The following XPR1 variants were observed in gnomAD, a reference collection of about 807,000 sequenced individuals.
XPR1 encodes the protein xenotropic and polytropic retrovirus receptor 1.
XPR1 carries 28 observed loss-of-function variants against 87.5 expected under a neutral mutation model. The observed-to-expected ratio is 0.32, with a 90% CI of 0.24 to 0.44. The LOEUF (loss-of-function observed/expected upper bound fraction) is 0.44. XPR1 is among the 20% of genes least tolerant of loss of function. XPR1 has a pLI of 1.00. For missense variants in XPR1, 559 were observed against 862.3 expected (o/e 0.65, Z 4.41); for synonymous variants, 300 against 306.1 (o/e 0.98, Z 0.21).
intron 2 of XPR1, among the ~76,000 whole-genome samples, chr1:180,749,914 G>A (rs1488833994): frequency 6.6e-6 from 1 of 152,024 alleles, no homozygotes; most frequent in Admixed American, 6.6e-5. Flanking sequence ...TAGTTAAAAG[G>A]GCAAATGAAG....
intron 1 of XPR1, among the ~76,000 whole-genome samples, chr1:180,674,937 T>G (rs1486490544): frequency 1.3e-5 from 2 of 152,230 alleles, no homozygotes; most frequent in Non-Finnish European, 2.9e-5. Context: ...AACACCATTT[T>G]TTTTCCTGTC....
chr1:180,695,894 G>T (rs1428092136), intron 2 of XPR1, among the ~76,000 whole-genome samples: 1 of 151,812 alleles, frequency 6.6e-6, no homozygotes, highest in African/African-American at 2.4e-5. Context: ...TTTTTGCTTG[G>T]GATTGCTTTG....
chr1:180,831,620 C>G (rs2102162274), intron 9 of XPR1, among the ~76,000 whole-genome samples: 2 of 141,986 alleles, frequency 1.4e-5, no homozygotes, highest in East Asian at 4.8e-4. Flanking sequence ...TTGCTAAACT[C>G]CCACTTATGA....
At chr1:180,853,233 T>G (rs1651924477) in intron 11 of XPR1, among the ~76,000 whole-genome samples, 1 of 152,226 alleles carries the variant, frequency 6.6e-6, no homozygotes, top group East Asian at 1.9e-4. Flanking sequence ...TGCGCCTGGC[T>G]TCTTTTCATT....
At chr1:180,696,165 G>GGTGTGTGTGTGT (rs59249501) in intron 2 of XPR1, among the ~76,000 whole-genome samples, 7 of 102,976 alleles carry the variant, frequency 6.8e-5, no homozygotes, top group African/African-American at 1.8e-4. Flanking sequence ...TTTATTCCTG[G>GGTGTGTGTGTGT]GTGTGTGTGT....
At chr1:180,693,738 C>G (rs917544130) in intron 2 of XPR1, among the ~76,000 whole-genome samples, 1 of 152,102 alleles carries the variant, frequency 6.6e-6, no homozygotes, top group Non-Finnish European at 1.5e-5. Flanking sequence ...TTTACCTTGT[C>G]CTTTGTCTGT....
At chr1:180,748,947 C>G (rs1647399424) in intron 2 of XPR1, among the ~76,000 whole-genome samples, 1 of 152,146 alleles carries the variant, frequency 6.6e-6, no homozygotes, top group Admixed American at 6.5e-5. Context: ...GCCTATAATC[C>G]CAGCACTTTG....
intron 2 of XPR1, among the ~76,000 whole-genome samples, chr1:180,718,621 A>C (rs1187368804): frequency 6.6e-6 from 1 of 151,804 alleles, no homozygotes; most frequent in African/African-American, 2.4e-5. Context: ...GACAGACTGC[A>C]TGCACCCTAA....
Position 180,757,597 on chromosome 1 carries a change from A to G in XPR1, c.122-30156A>G, listed in dbSNP as rs377111572. Among the ~76,000 whole-genome samples, 44 of 151,608 alleles carry G rather than the reference A, an allele frequency of 2.9e-4. No individual in the cohort carries two copies. In the East Asian group the frequency reaches 4.5e-3, roughly 15 times the overall value. On this transcript the variant is annotated intron_variant, in intron 2 of 14. Transcript: ENST00000367590. ...AATCATGGTTCACTGCATCACTACA[A>G]CCTCAAACTCCTGGGCTCAAGAGAG...
chr1:180,691,266 A>AAGG (rs2101957383), intron 2 of XPR1, among the ~76,000 whole-genome samples: 1 of 152,228 alleles, frequency 6.6e-6, no homozygotes, highest in East Asian at 1.9e-4. Context: ...CCTCCTTTCA[A>AAGG]AGATACATGA....
intron 12 of XPR1, among the ~76,000 whole-genome samples, chr1:180,873,304 T>G (rs1652563988): frequency 6.6e-6 from 1 of 152,202 alleles, no homozygotes; most frequent in Non-Finnish European, 1.5e-5. Context: ...ACCACGGTTG[T>G]GAAATCCAAG....
intron 2 of XPR1, among the ~76,000 whole-genome samples, chr1:180,740,220 G>A (rs1316806253): frequency 6.6e-6 from 1 of 152,132 alleles, no homozygotes; most frequent in Non-Finnish European, 1.5e-5. Context: ...GAATAGGTGT[G>A]AAGAGTAGCC....
At chr1:180,745,450 A>T (rs1170482602) in intron 2 of XPR1, among the ~76,000 whole-genome samples, 1 of 152,174 alleles carries the variant, frequency 6.6e-6, no homozygotes, top group African/African-American at 2.4e-5. Context: ...TCTGGGGAGT[A>T]CTACTTCGCT....
chr1:180,845,744 A>G (rs1224176020), intron 11 of XPR1, among the ~76,000 whole-genome samples: 5 of 73,888 alleles, frequency 6.8e-5, no homozygotes, highest in African/African-American at 2.8e-4. Flanking sequence ...GCTAGTCTCA[A>G]ACTCAGTCTT....
chr1:180,761,865 C>G (rs1571810732), intron 2 of XPR1, among the ~76,000 whole-genome samples: 2 of 152,184 alleles, frequency 1.3e-5, no homozygotes, highest in South Asian at 4.1e-4. Flanking sequence ...AGACTTGGAA[C>G]CAACCCAAAT....
At chr1:180,840,969 C>T (rs1406330019) in intron 11 of XPR1, among the ~76,000 whole-genome samples, 2 of 152,030 alleles carry the variant, frequency 1.3e-5, no homozygotes, top group African/African-American at 4.8e-5. Flanking sequence ...CAACAAAGCA[C>T]AACACAATTC....
intron 11 of XPR1, among the ~76,000 whole-genome samples, chr1:180,859,829 T>C (rs1279879889): frequency 6.6e-6 from 1 of 152,124 alleles, no homozygotes; most frequent in Non-Finnish European, 1.5e-5. Context: ...AAGATACTTT[T>C]AAATGGTTTT....
chr1:180,756,911 A>G (rs1647770325), intron 2 of XPR1, among the ~76,000 whole-genome samples: 2 of 152,344 alleles, frequency 1.3e-5, no homozygotes, highest in African/African-American at 4.8e-5. Context: ...TGAAAAGACT[A>G]GTCTTTCTCA....
At chr1:180,687,797 T>C (rs1193324752) in intron 2 of XPR1, among the ~76,000 whole-genome samples, 1 of 151,846 alleles carries the variant, frequency 6.6e-6, no homozygotes, top group African/African-American at 2.4e-5. Flanking sequence ...TCTGAAATAA[T>C]ATAGATAAGG....
Sources: gnomAD v4.1 joint callset for allele counts (sites outside exome capture counted in the v4.1 genomes callset) on GRCh38, gnomAD v4.1.1 for gene constraint, MANE v1.5 for transcripts, NCBI Gene and HGNC (gene_info 2026-07-23, HGNC 2026-07-21) for gene names.